The following SLC26A5 variants were observed in gnomAD, a reference collection of about 807,000 sequenced individuals.
SLC26A5 encodes solute carrier family 26 member 5, also known as prestin.
In SLC26A5, 51 loss-of-function variants were observed where a neutral mutation model predicts 81.0. The observed-to-expected ratio is 0.63, with a 90% CI of 0.50 to 0.80. SLC26A5 has a LOEUF of 0.80. Ranked by LOEUF, SLC26A5 falls within the 30% of genes least tolerant of loss-of-function variation. The pLI is 0.00. For synonymous variants in SLC26A5, 325 were observed against 332.8 expected (o/e 0.98, Z 0.25); for missense variants, 771 against 905.8 (o/e 0.85, Z 1.91).
chr7:103,361,779 T>C (rs1820429620), intron 19 of SLC26A5, among the ~76,000 whole-genome samples: 1 of 152,202 alleles, frequency 6.6e-6, no homozygotes, highest in South Asian at 2.1e-4. Context: ...TTTTATGACT[T>C]GGCTAAAGTC....
At chr7:103,355,727 C>T in intron 19 of SLC26A5, 1 of 1,614,048 alleles carries the variant, frequency 6.2e-7, no homozygotes, top group Non-Finnish European at 8.5e-7. Context: ...CTGGCCCCAC[C>T]AGCACTCTGG....
At chr7:103,425,873 G>C (rs1825678969) in intron 2 of SLC26A5, among the ~76,000 whole-genome samples, 1 of 152,084 alleles carries the variant, frequency 6.6e-6, no homozygotes, top group Non-Finnish European at 1.5e-5. Context: ...GATTTAATTG[G>C]TCTGCAAAGC....
At chr7:103,437,491 T>C (rs922860687) in intron 2 of SLC26A5, among the ~76,000 whole-genome samples, 1 of 152,226 alleles carries the variant, frequency 6.6e-6, no homozygotes, top group Non-Finnish European at 1.5e-5. Context: ...CCCATGTTTA[T>C]TACAGCATTA....
Position 103,367,739 on chromosome 7 carries a change from C to T in SLC26A5, c.2041+9069G>A, listed in dbSNP as rs144431266. On this transcript the variant is annotated intron_variant, in intron 19 of 19. Transcript: ENST00000339444. This position sits in a 1 kb window ranked among gnomAD's most constrained non-coding sequence, Gnocchi z 6.1. ...GTCGGACCCACATATTTAAGATTCA[C>T]GCTCGTTCAATGAGTGTTGAAAGAG... 1.7e-4 allele frequency: 267 copies of T among 1,613,760 alleles called. No homozygotes were observed. The East Asian group carries it at 4.2e-3, about 25-fold the overall frequency.
Position 103,409,108 on chromosome 7 carries a change from C to T in SLC26A5, c.736-1105G>A, listed in dbSNP as rs139712807. On this transcript the variant is annotated intron_variant, in intron 7 of 19. Coordinates refer to ENST00000306312, the MANE Select transcript of SLC26A5 (RefSeq NM_198999.3). ...CCTAGACCCCTAATCTAAAGGTCTC[C>T]CTATTTAACTTTCAGAGCAGCTGGT... Among the ~76,000 whole-genome samples, 4 of 152,302 alleles carry T rather than the reference C, an allele frequency of 2.6e-5. No homozygotes were observed. The East Asian group carries it at 7.7e-4, about 29-fold the overall frequency.
At chr7:103,425,053 T>G (rs1825618675) in intron 2 of SLC26A5, among the ~76,000 whole-genome samples, 1 of 152,210 alleles carries the variant, frequency 6.6e-6, no homozygotes, top group East Asian at 1.9e-4. Context: ...TCTTTATCTT[T>G]AGTCTTAAGA....
chr7:103,369,246 C>T (rs200182916), downstream of SLC26A5: 1 of 152,084 alleles, frequency 6.6e-6, no homozygotes, highest in Non-Finnish European at 1.5e-5. Context: ...AAAAATTCAT[C>T]TTTTTTAACC....
chr7:103,379,139 A>G (rs1821585829), intron 16 of SLC26A5, 104 bp downstream of exon 16: 1 of 813,750 alleles, frequency 1.2e-6, no homozygotes, highest in Non-Finnish European at 2.1e-6. Context: ...AGAGAGAAAC[A>G]AAGCGAGAAT....
chr7:103,413,367 T>A (rs1586328088), intron 4 of SLC26A5, among the ~76,000 whole-genome samples: 1 of 152,204 alleles, frequency 6.6e-6, no homozygotes, highest in South Asian at 2.1e-4. Context: ...ACAAATTAGA[T>A]AAAAGCAGAA....
Position 103,421,508 on chromosome 7 carries a change from G to A in SLC26A5, c.7C>T (p.His3Tyr), listed in dbSNP as rs758296903. The A allele has an allele frequency of 6.2e-7, 1 of 1,613,952 alleles. No homozygotes were observed. Among genetic ancestry groups the A allele is most frequent in the Non-Finnish European group, 8.5e-7 (1 of 1,179,896 alleles). Residue 3 changes from histidine to tyrosine, a missense_variant, in exon 3 of 20, where the codon CAT becomes TAT. Coordinates refer to ENST00000306312, the MANE Select transcript of SLC26A5 (RefSeq NM_198999.3). ...GCAAGGATTTCATTTTCTTCAGCAT[G>A]ATCCATAGTACTCTGAAATTATTCC... The part of the protein sequence containing the change: MD[H>Y]AEENEILAAT...
chr7:103,397,013 T>C (rs1823159985), intron 9 of SLC26A5, among the ~76,000 whole-genome samples: 1 of 151,076 alleles, frequency 6.6e-6, no homozygotes, highest in Non-Finnish European at 1.5e-5. Context: ...GAGAATCACT[T>C]GAACCTCAGA....
In SLC26A5 at chr7:103,374,553, T is replaced by C. The variant is rs1010658012; in HGVS notation, c.2081A>G (p.Glu694Gly). ...CAGCAGCTCCCATAGGGCAGGATTT[T>C]CAAAAAATCTATTCCGAGTGAGGTC... ...VNDLTRNRFF[E>G]NPALWELLFH... Residue 694 changes from glutamate (E) to glycine (G), a missense_variant, in exon 20 of 20, where the codon GAA (glutamate) becomes GGA (glycine). Coordinates refer to ENST00000306312, the MANE Select transcript of SLC26A5 (RefSeq NM_198999.3). The C allele has an allele frequency of 1.9e-6, 3 of 1,613,886 alleles. No individual in the cohort carries two copies. In the African/African-American group the frequency reaches 4.0e-5, roughly 22 times the overall value.
rs890877308 is a variant in SLC26A5, at chr7:103,405,656, G to A, written c.888+2195C>T. On this transcript the variant is annotated intron_variant, in intron 8 of 19. Coordinates refer to ENST00000306312, the MANE Select transcript of SLC26A5 (RefSeq NM_198999.3). The stretch of plus-strand genomic sequence containing the variant: ...GAGGTGTCTCCCAGTCAGGAGTTAC[G>A]GGGGTCCCACTTGAGAAGGCAGTCT... Among the ~76,000 whole-genome samples, 6 of 152,124 alleles carry A rather than the reference G, an allele frequency of 3.9e-5. No individual in the cohort carries two copies. The South Asian group carries it at 8.3e-4, about 21-fold the overall frequency.
At chr7:103,393,139 GAAGCA>G in intron 9 of SLC26A5, 73 bp from the exon 10 acceptor site, 1 of 1,575,784 alleles carries the variant, frequency 6.3e-7, no homozygotes, top group Non-Finnish European at 8.7e-7. Flanking sequence ...CGACTGCAGG[GAAGCA>G]TTTTAGGGGG....
downstream of SLC26A5, among the ~76,000 whole-genome samples, chr7:103,371,527 A>G (rs377238888): frequency 2.8e-3 from 418 of 150,592 alleles, 10 homozygotes; most frequent in Admixed American, 0.023. Context: ...GGGTTTCACC[A>G]TGTTAGCCAG....
exon 20 of SLC26A5, chr7:103,352,738 AT>A (rs1191662340): frequency 1.4e-6 from 1 of 733,422 alleles, no homozygotes; most frequent in Admixed American, 1.9e-5. Context: ...TGGTAGATTC[AT>A]TTTTTCTTTA....
chr7:103,428,572 T>G (rs1363586198), intron 2 of SLC26A5, among the ~76,000 whole-genome samples: 2 of 150,914 alleles, frequency 1.3e-5, no homozygotes, highest in East Asian at 3.9e-4. Context: ...TTTTTTTTTT[T>G]TTTTTTTGAA....
At chr7:103,394,995 C>T (rs1440491920) in intron 9 of SLC26A5, among the ~76,000 whole-genome samples, 1 of 152,228 alleles carries the variant, frequency 6.6e-6, no homozygotes, top group Non-Finnish European at 1.5e-5. Context: ...GTTCCAGTGA[C>T]TCCAGATGAA....
intron 2 of SLC26A5, among the ~76,000 whole-genome samples, chr7:103,423,373 C>G (rs1825499245): frequency 1.3e-5 from 2 of 152,058 alleles, no homozygotes; most frequent in African/African-American, 4.8e-5. Context: ...AATTCAAGAG[C>G]CTATAATAAA....
Sources: allele counts gnomAD v4.1 joint callset (sites outside exome capture counted in the v4.1 genomes callset), GRCh38; gene constraint gnomAD v4.1.1; non-coding constraint Gnocchi (gnomAD v3.1); transcripts MANE v1.5; gene names NCBI Gene and HGNC (gene_info 2026-07-23, HGNC 2026-07-21).